NKAIN2: variants seen among roughly 807,000 people sequenced by gnomAD.
NKAIN2 encodes the protein sodium/potassium-transporting ATPase subunit beta-1-interacting protein 2.
Under a neutral mutation model 32.6 loss-of-function variants are expected in NKAIN2, and 14 were observed. The observed-to-expected ratio is 0.43, with a 90% CI of 0.28 to 0.67. The LOEUF (loss-of-function observed/expected upper bound fraction) is 0.67, where lower values mean the gene tolerates loss of function less well. NKAIN2 is among the 30% of genes least tolerant of loss of function. The pLI, the probability that NKAIN2 is intolerant of heterozygous loss-of-function variation, is 0.17. For missense variants in NKAIN2, 198 were observed against 258.3 expected (o/e 0.77, Z 1.60); for synonymous variants, 80 against 87.2 (o/e 0.92, Z 0.46).
At chr6:124,361,234 G>A (rs1440820003) in intron 3 of NKAIN2, among the ~76,000 whole-genome samples, 1 of 152,000 alleles carries the variant, frequency 6.6e-6, no homozygotes, top group Non-Finnish European at 1.5e-5. Context: ...ACAAAGGGAA[G>A]AAAACTTAGT....
intron 1 of NKAIN2, among the ~76,000 whole-genome samples, chr6:124,245,010 C>T (rs1226203140): frequency 6.6e-6 from 1 of 152,070 alleles, no homozygotes; most frequent in Non-Finnish European, 1.5e-5. Context: ...TGGCTCCATC[C>T]TCAAAGTATA....
intron 1 of NKAIN2, among the ~76,000 whole-genome samples, chr6:124,045,073 A>C (rs73770322): frequency 1.3e-5 from 2 of 151,840 alleles, no homozygotes; most frequent in African/African-American, 2.4e-5. Context: ...TTTGAAACCT[A>C]TCTCTTCCTT....
At chr6:124,282,568 C>A (rs1021974190) in intron 1 of NKAIN2, among the ~76,000 whole-genome samples, 1 of 152,190 alleles carries the variant, frequency 6.6e-6, no homozygotes, top group African/African-American at 2.4e-5. Flanking sequence ...ACAACTCTTG[C>A]TAAAGATTTC....
intron 1 of NKAIN2, among the ~76,000 whole-genome samples, chr6:124,275,968 C>A (rs1795011674): frequency 6.6e-6 from 1 of 151,960 alleles, no homozygotes; most frequent in African/African-American, 2.4e-5. Flanking sequence ...AACTGGGATT[C>A]ATAGAGATTA....
At chr6:124,275,560 T>C (rs1794992114) in intron 1 of NKAIN2, among the ~76,000 whole-genome samples, 1 of 152,158 alleles carries the variant, frequency 6.6e-6, no homozygotes, top group South Asian at 2.1e-4. Context: ...AGAGGAATTA[T>C]AATGTTTGAA....
intron 4 of NKAIN2, among the ~76,000 whole-genome samples, chr6:124,669,769 A>G (rs369558687): frequency 6.6e-6 from 1 of 152,192 alleles, no homozygotes; most frequent in Admixed American, 6.6e-5. Context: ...TCAGAATCTA[A>G]TCATTCTCTC....
chr6:124,813,836 A>C (rs933724132), intron 5 of NKAIN2, among the ~76,000 whole-genome samples: 1 of 152,196 alleles, frequency 6.6e-6, no homozygotes, highest in African/African-American at 2.4e-5. Context: ...CTCTTTTCTA[A>C]ATAATGCAGA....
At chr6:123,861,138 C>T (rs993086191) in intron 1 of NKAIN2, among the ~76,000 whole-genome samples, 21 of 152,138 alleles carry the variant, frequency 1.4e-4, no homozygotes, top group African/African-American at 4.8e-4. Context: ...TAATGGCTTC[C>T]AATGAGTGCT....
intron 1 of NKAIN2, among the ~76,000 whole-genome samples, chr6:124,205,113 T>C (rs1790796631): frequency 6.7e-6 from 1 of 150,186 alleles, no homozygotes; most frequent in African/African-American, 2.5e-5. Context: ...ACACACTGCA[T>C]TTTGTTAGTT....
chr6:124,343,499 C>T (rs1424385602), intron 2 of NKAIN2, among the ~76,000 whole-genome samples: 1 of 151,844 alleles, frequency 6.6e-6, no homozygotes, highest in East Asian at 1.9e-4. Flanking sequence ...CCTGTTGTTT[C>T]CTGACTTTTT....
At chr6:124,729,044 T>G (rs4490680) in intron 4 of NKAIN2, among the ~76,000 whole-genome samples, 80,200 of 145,014 alleles carry the variant, frequency 0.55, 21,705 homozygotes, top group East Asian at 0.69. Context: ...AATAACAGGA[T>G]CTGAAATTGT....
At chr6:124,118,027 T>C (rs1416725415) in intron 1 of NKAIN2, among the ~76,000 whole-genome samples, 1 of 152,084 alleles carries the variant, frequency 6.6e-6, no homozygotes, top group African/African-American at 2.4e-5. Flanking sequence ...TTTTTTCAAC[T>C]GAGGTCTTTG....
chr6:124,558,771 A>G (rs893208765), intron 3 of NKAIN2, among the ~76,000 whole-genome samples: 9 of 152,166 alleles, frequency 5.9e-5, no homozygotes, highest in South Asian at 2.1e-4. Context: ...AACATGGTGA[A>G]ACCCCATTTC....
intron 1 of NKAIN2, among the ~76,000 whole-genome samples, chr6:123,862,830 C>G (rs944404073): frequency 2.6e-5 from 4 of 152,120 alleles, no homozygotes; most frequent in Non-Finnish European, 2.9e-5. Context: ...TTATCTTTTT[C>G]TACGTATATG....
At chr6:124,772,344 CTG>C (rs1204878862) in intron 4 of NKAIN2, among the ~76,000 whole-genome samples, 1 of 152,076 alleles carries the variant, frequency 6.6e-6, no homozygotes, top group Non-Finnish European at 1.5e-5. Flanking sequence ...GTGCCATTCC[CTG>C]TGACAGAGAG....
intron 3 of NKAIN2, among the ~76,000 whole-genome samples, chr6:124,502,588 G>A (rs1363378140): frequency 2.0e-5 from 3 of 152,138 alleles, no homozygotes; most frequent in Non-Finnish European, 4.4e-5. Flanking sequence ...TTTACTCCAA[G>A]ATTATAGAAA....
chr6:124,430,218 G>A (rs1359923107), intron 3 of NKAIN2, among the ~76,000 whole-genome samples: 4 of 152,158 alleles, frequency 2.6e-5, no homozygotes, highest in African/African-American at 7.2e-5. Flanking sequence ...TTCATGCTAT[G>A]ATATTTGAGA....
At chr6:124,741,974 A>G (rs1777231366) in intron 4 of NKAIN2, among the ~76,000 whole-genome samples, 1 of 151,886 alleles carries the variant, frequency 6.6e-6, no homozygotes, top group South Asian at 2.1e-4. Flanking sequence ...CAACGAAACA[A>G]TGAAAGTGTG....
rs550679665 is a variant in NKAIN2 at position 123,898,949 on chromosome 6, C to CT, written c.54+94701dup. Among the ~76,000 whole-genome samples the CT allele has an allele frequency of 3.4e-3, 524 of 152,302 alleles. 3 individuals are homozygous for CT. Among genetic ancestry groups the CT allele is most frequent in the Middle Eastern group, 0.014 (4 of 294 alleles). Reference sequence around the variant, plus strand: ...CATAACCTCAGCCACAAACTGAAGACTTTTTTCTGGTGAAAACCATTCAGA... The same window carrying CT: ...CATAACCTCAGCCACAAACTGAAGACTTTTTTTCTGGTGAAAACCATTCAGA... On this transcript the variant is annotated intron_variant, in intron 1 of 6. Transcript: ENST00000368417.
Sources: allele counts gnomAD v4.1 joint callset (sites outside exome capture counted in the v4.1 genomes callset), GRCh38; gene constraint gnomAD v4.1.1; transcripts MANE v1.5; gene names NCBI Gene and HGNC (gene_info 2026-07-23, HGNC 2026-07-21).